RNF41: variants seen among roughly 807,000 people sequenced by gnomAD.
RNF41 encodes E3 ubiquitin-protein ligase NRDP1.
In RNF41, 4 loss-of-function variants were observed where a neutral mutation model predicts 33.0. That is an observed-to-expected ratio of 0.12 (90% CI 0.06 to 0.28). RNF41 has a LOEUF of 0.28. RNF41 is among the 10% of genes least tolerant of loss of function. The probability of loss-of-function intolerance (pLI) is 1.00; values close to 1 mark genes in which losing one functional copy is unlikely to be tolerated. For missense variants in RNF41, 228 were observed against 432.6 expected, an observed-to-expected ratio of 0.53 and a Z score of 4.19; for synonymous variants, 164 against 153.2, an observed-to-expected ratio of 1.07 and a Z score of -0.52.
chr12:56,213,939 T>C lies in RNF41; in HGVS notation c.90+19A>G. ...CTGCTACCTGTTGCCCCACCAAACC[T>C]GCCATCAGACCAACTCACCTGTACT... is the stretch of plus-strand genomic sequence containing the variant. On this transcript the variant is annotated intron_variant, in intron 3 of 6. Transcript: ENST00000345093. 1 of 1,564,366 alleles carries C rather than the reference T, an allele frequency of 6.4e-7. No homozygotes were observed. Among genetic ancestry groups the C allele is most frequent in the Non-Finnish European group, 8.8e-7 (1 of 1,134,652 alleles).
rs538583850 is a variant in RNF41, at chr12:56,221,887, G to T, written c.-336C>A. 6.6e-6 allele frequency: 1 copy of T among 152,600 alleles called. No homozygotes were observed. Among genetic ancestry groups the T allele is most frequent in the South Asian group, 2.1e-4 (1 of 4,836 alleles). The allele number at this position is 152,600 out of a possible 1,614,324, so 9.5% of individuals were successfully genotyped here. A position where few individuals can be genotyped will look rare whatever the true frequency, so the allele number is the denominator to read the frequency against. ...AAGGGAAGGGAAAGGGGAAGGAGGG[G>T]AAAGAAGACTCCTACCACTCGTCGC... is the stretch of plus-strand genomic sequence containing the variant. On this transcript the variant is annotated 5_prime_UTR_variant, in exon 1 of 7. Coordinates refer to ENST00000345093, the MANE Select transcript of RNF41 (RefSeq NM_005785.4).
Position 56,212,949 on chromosome 12 carries a change from T to A in RNF41, c.90+1009A>T, listed in dbSNP as rs889112652. On this transcript the variant is annotated intron_variant, in intron 3 of 6. Coordinates refer to ENST00000345093, the MANE Select transcript of RNF41 (RefSeq NM_005785.4). ...GCAATAAGGATCCTGGAGGATGCTG[T>A]CCCATGAATACAACTCTTAAGGATT... The A allele has an allele frequency of 4.8e-5, 60 of 1,250,752 alleles. No homozygotes were observed. The African/African-American group carries it at 9.1e-4, about 19-fold the overall frequency. 77.5% of individuals were successfully genotyped at this position (1,250,752 alleles called of 1,614,324 possible).
intron 4 of RNF41, among the ~76,000 whole-genome samples, chr12:56,209,297 T>C (rs967647786): frequency 1.3e-5 from 2 of 151,772 alleles, no homozygotes; most frequent in Non-Finnish European, 1.5e-5. Context: ...TTCTTTTTAT[T>C]TTTTAGTTAG....
In RNF41 at chr12:56,205,646, C is replaced by T. The variant is rs1190183653; in HGVS notation, c.*801G>A. The T allele has an allele frequency of 6.6e-6, 1 of 152,118 alleles. No homozygotes were observed. 9.4% of individuals were successfully genotyped at this position (152,118 alleles called of 1,614,324 possible). On this transcript the variant is annotated 3_prime_UTR_variant, in exon 7 of 7. Coordinates refer to ENST00000345093, the MANE Select transcript of RNF41 (RefSeq NM_005785.4). Reference sequence around the variant, plus strand: ...AGAAAATTATCAAAGTAACTAACTACAGTCACAGGGCTAGAGAGGGGTCTA... The same window carrying T: ...AGAAAATTATCAAAGTAACTAACTATAGTCACAGGGCTAGAGAGGGGTCTA...
intron 3 of RNF41, among the ~76,000 whole-genome samples, chr12:56,211,202 G>A (rs906624215): frequency 2.6e-5 from 4 of 151,894 alleles, no homozygotes; most frequent in African/African-American, 2.4e-5. Flanking sequence ...CTGGTGGCAC[G>A]TGCCTATAGT....
intron 1 of RNF41, among the ~76,000 whole-genome samples, chr12:56,218,345 G>A (rs932349907): frequency 2.7e-5 from 4 of 150,298 alleles, no homozygotes; most frequent in African/African-American, 4.9e-5. Flanking sequence ...CTACAGCCTC[G>A]CCTTCCCAGC....
Position 56,206,798 on chromosome 12 carries a change from C to G in RNF41, c.603G>C (p.Glu201Asp). Residue 201 changes from glutamate (E) to aspartate (D), a missense_variant and splice_region_variant, in exon 7 of 7, where the codon GAG becomes GAC. Physicochemically the swap from Glu to Asp is conservative, Grantham distance 45 (BLOSUM62 2). Transcript: ENST00000345093. This position sits in a 1 kb window ranked among gnomAD's most constrained non-coding sequence, Gnocchi z 5.7. The stretch of plus-strand genomic sequence containing the variant: ...TTGCTGGCTGAAGGGAGTTCACCCA[C>G]CTGTGTGGAGGTGGTTAAAGATGGT... ...EETIEYNEIL[E>D]WVNSLQPARV... is the part of the protein sequence containing the mutation. The G allele has an allele frequency of 1.2e-6, 2 of 1,609,200 alleles. No homozygotes were observed. The highest frequency in any genetic ancestry group is 8.5e-7 in the Non-Finnish European group (1 of 1,176,428).
chr12:56,215,645 G>A (rs1868827639), intron 2 of RNF41, among the ~76,000 whole-genome samples: 1 of 149,730 alleles, frequency 6.7e-6, no homozygotes, highest in Non-Finnish European at 1.5e-5. Flanking sequence ...CTTGAACCCA[G>A]GAGGCGGAGG....
intron 6 of RNF41, chr12:56,207,157 T>C (rs993354524): frequency 1.5e-6 from 2 of 1,317,672 alleles, no homozygotes; most frequent in Non-Finnish European, 2.0e-6. Flanking sequence ...TATATATTGA[T>C]TCACACTTAC....
At chr12:56,209,263 T>C (rs1868344436) in intron 4 of RNF41, among the ~76,000 whole-genome samples, 1 of 152,018 alleles carries the variant, frequency 6.6e-6, no homozygotes, top group Non-Finnish European at 1.5e-5. Flanking sequence ...AGAAGCCCTA[T>C]ATTCACAGCC....
chr12:56,214,838 A>AT (rs1868754616), intron 2 of RNF41, among the ~76,000 whole-genome samples: 1 of 152,178 alleles, frequency 6.6e-6, no homozygotes, highest in African/African-American at 2.4e-5. Context: ...TAAAAAAAAA[A>AT]GAAAAAAAGA....
chr12:56,220,405 C>T (rs1286277536), intron 1 of RNF41, among the ~76,000 whole-genome samples: 3 of 149,784 alleles, frequency 2.0e-5, no homozygotes, highest in Non-Finnish European at 4.4e-5. Flanking sequence ...TTAGTAGAGA[C>T]GGGGTTTCAC....
intron 1 of RNF41, among the ~76,000 whole-genome samples, chr12:56,219,658 T>C (rs1565947236): frequency 6.6e-6 from 1 of 150,982 alleles, no homozygotes; most frequent in Non-Finnish European, 1.5e-5. Context: ...TGTGTGTGTA[T>C]ATATGTGTAT....
chr12:56,209,735 G>T (rs1868357397), intron 4 of RNF41, among the ~76,000 whole-genome samples: 1 of 152,198 alleles, frequency 6.6e-6, no homozygotes, highest in Admixed American at 6.5e-5. Context: ...GGGATTACAG[G>T]CGTGAGCCAC....
At chr12:56,208,062 G>A (rs771001307) in intron 5 of RNF41, 101 bp downstream of exon 5, 18 of 1,401,370 alleles carry the variant, frequency 1.3e-5, no homozygotes, top group Non-Finnish European at 1.7e-5. Context: ...GCTCACAAGT[G>A]TAAGCACTGG....
intron 1 of RNF41, among the ~76,000 whole-genome samples, chr12:56,217,118 C>T (rs1344550713): frequency 1.4e-5 from 2 of 142,570 alleles, no homozygotes; most frequent in East Asian, 2.0e-4. Context: ...CCAGCCTGGG[C>T]GACACAGCAA....
chr12:56,216,898 A>T (rs991753478), intron 1 of RNF41, among the ~76,000 whole-genome samples: 12 of 151,918 alleles, frequency 7.9e-5, no homozygotes, highest in African/African-American at 2.2e-4. Context: ...CCCAGCTCTT[A>T]GGGAGGCCAA....
At chr12:56,213,199 G>GTTTTTT in intron 3 of RNF41, 1 of 965,524 alleles carries the variant, frequency 1.0e-6, no homozygotes, top group Non-Finnish European at 1.4e-6. Flanking sequence ...CTTCCTATTT[G>GTTTTTT]TTTTTGTTTT....
chr12:56,219,475 G>A (rs1169188018), intron 1 of RNF41, among the ~76,000 whole-genome samples: 24 of 151,490 alleles, frequency 1.6e-4, no homozygotes, highest in Admixed American at 5.3e-4. Flanking sequence ...GATTACAGGC[G>A]TGAGCCACCG....
Sources: allele counts gnomAD v4.1 joint callset (sites outside exome capture counted in the v4.1 genomes callset), GRCh38; gene constraint gnomAD v4.1.1; non-coding constraint Gnocchi (gnomAD v3.1); transcripts MANE v1.5; gene names NCBI Gene and HGNC (gene_info 2026-07-23, HGNC 2026-07-21).